Variants in HIVEP3 observed in about 807,000 individuals in gnomAD.
HIVEP3 encodes transcription factor HIVEP3.
Under a neutral mutation model 152.8 loss-of-function variants are expected in HIVEP3, and 49 were observed. The observed-to-expected ratio is 0.32, with a 90% CI of 0.26 to 0.41. The LOEUF (loss-of-function observed/expected upper bound fraction) is 0.41. Among genes scored for constraint, HIVEP3 ranks in the 10% least tolerant of loss-of-function variants. The pLI is 1.00. For missense variants in HIVEP3, 2,790 were observed against 3,103.3 expected (o/e 0.90, Z 2.40); for synonymous variants, 1,269 against 1,289.0 (o/e 0.98, Z 0.33).
rs370826624 is a variant in HIVEP3 at position 41,583,400 on chromosome 1, C to T, written c.1398G>A (p.Thr466=). 96 of 1,613,762 alleles carry T rather than the reference C, an allele frequency of 5.9e-5. No individual in the cohort carries two copies. The Admixed American group carries it at 7.5e-4, about 13-fold the overall frequency. The change falls in exon 4 of 9, where the codon ACG becomes ACA. Residue 466 remains threonine, a synonymous_variant. Coordinates refer to ENST00000372583, the MANE Select transcript of HIVEP3 (RefSeq NM_024503.5). This position sits in a 1 kb window ranked among gnomAD's most constrained non-coding sequence, Gnocchi z 6.9. ...CGGCCTCGTTGATGGTGATGAGCTT[C>T]GTGATGTGCTCGATCACCTGCGTCC... The part of the protein sequence containing the change: ...VPRTQVIEHI[T]KLITINEAVV...
In HIVEP3 at chr1:41,581,812, T is replaced by C; in HGVS notation, c.2986A>G (p.Ser996Gly). 1 of 1,588,432 alleles carries C rather than the reference T, an allele frequency of 6.3e-7. No individual in the cohort carries two copies. Among genetic ancestry groups the C allele is most frequent in the Non-Finnish European group, 8.6e-7 (1 of 1,167,066 alleles). ...TGGGCAGAATGGGAAACGTTGGGGCTCTGCTCTGAGGCTGACCTCCGCATC... is the reference window on the plus strand; with the variant it reads ...TGGGCAGAATGGGAAACGTTGGGGCCCTGCTCTGAGGCTGACCTCCGCATC... Reference protein sequence around the residue: ...REMRRSASEQSPNVSHSAHMT... With the variant: ...REMRRSASEQGPNVSHSAHMT... Residue 996 changes from serine to glycine, a missense_variant, in exon 4 of 9, where the codon AGC (serine) becomes GGC (glycine). By Grantham distance (56) the Ser-to-Gly change is moderately conservative. Coordinates refer to ENST00000372583, the MANE Select transcript of HIVEP3 (RefSeq NM_024503.5). This position sits in a 1 kb window ranked among gnomAD's most constrained non-coding sequence, Gnocchi z 4.5.
intron 5 of HIVEP3, among the ~76,000 whole-genome samples, chr1:41,567,649 C>A (rs1256803623): frequency 1.3e-5 from 2 of 152,228 alleles, no homozygotes; most frequent in African/African-American, 4.8e-5. Context: ...ACGTAGGACC[C>A]ATTTTCTCGG....
chr1:41,852,531 C>T (rs956466857), intron 1 of HIVEP3, among the ~76,000 whole-genome samples: 1 of 152,202 alleles, frequency 6.6e-6, no homozygotes, highest in African/African-American at 2.4e-5. Context: ...GTGGGTTCTA[C>T]ACTCCACTCC....
intron 5 of HIVEP3, 69 bp downstream of exon 5, chr1:41,575,475 C>T (rs980132624): frequency 1.2e-5 from 19 of 1,551,728 alleles, no homozygotes; most frequent in Admixed American, 3.4e-5. Context: ...CACTGCTGCC[C>T]GTGAACACCA....
chr1:41,902,314 G>A (rs1174853086), intron 1 of HIVEP3, among the ~76,000 whole-genome samples: 1 of 152,154 alleles, frequency 6.6e-6, no homozygotes, highest in Non-Finnish European at 1.5e-5. Flanking sequence ...TTGAAGAAAT[G>A]TCCCCAGAGT....
chr1:41,708,169 T>C (rs1423302903), intron 1 of HIVEP3, among the ~76,000 whole-genome samples: 1 of 152,178 alleles, frequency 6.6e-6, no homozygotes, highest in African/African-American at 2.4e-5. Flanking sequence ...TGTGGGGACC[T>C]GAGAGAGTGC....
intron 1 of HIVEP3, among the ~76,000 whole-genome samples, chr1:42,021,879 T>A (rs551398024): frequency 6.6e-6 from 1 of 152,010 alleles, no homozygotes; most frequent in Non-Finnish European, 1.5e-5. Flanking sequence ...CAAAACCAAT[T>A]CAAACTGGCA....
At chr1:42,019,241 T>C (rs1370916965) in intron 1 of HIVEP3, among the ~76,000 whole-genome samples, 1 of 152,038 alleles carries the variant, frequency 6.6e-6, no homozygotes, top group African/African-American at 2.4e-5. Context: ...TTCTTTTCCA[T>C]GCAGATTTTA....
chr1:42,004,425 A>G (rs1285444098), intron 1 of HIVEP3, among the ~76,000 whole-genome samples: 1 of 152,040 alleles, frequency 6.6e-6, no homozygotes, highest in Non-Finnish European at 1.5e-5. Context: ...GCTTTTTTTC[A>G]TTACTTTTGT....
chr1:41,508,831 C>G lies in HIVEP3; in HGVS notation c.*1620G>C, dbSNP rs1210983301. The stretch of plus-strand genomic sequence containing the variant: ...AGGACTGGGGATTAGCCAGAGAGGT[C>G]CCTGCTCTGTATAGGGTGGCATCAA... On this transcript the variant is annotated 3_prime_UTR_variant, in exon 9 of 9. Transcript: ENST00000372583. 1 of 152,308 alleles carries G rather than the reference C, an allele frequency of 6.6e-6. No individual in the cohort carries two copies. The highest frequency in any genetic ancestry group is 1.5e-5 in the Non-Finnish European group (1 of 68,118). 9.4% of individuals were successfully genotyped at this position (152,308 alleles called of 1,614,324 possible).
At chr1:41,625,162 C>CAAA (rs59268661) in intron 3 of HIVEP3, among the ~76,000 whole-genome samples, 14 of 71,230 alleles carry the variant, frequency 2.0e-4, no homozygotes, top group Non-Finnish European at 2.0e-4. Context: ...GATTCCAACT[C>CAAA]AAAAAAAAAA....
chr1:41,719,606 C>T (rs773370718), intron 1 of HIVEP3, among the ~76,000 whole-genome samples: 12 of 152,194 alleles, frequency 7.9e-5, no homozygotes, highest in South Asian at 2.1e-4. Flanking sequence ...CACTCAGGGA[C>T]GTCCCTGTCC....
At chr1:41,806,382 T>C (rs1650610091) in intron 1 of HIVEP3, among the ~76,000 whole-genome samples, 1 of 152,176 alleles carries the variant, frequency 6.6e-6, no homozygotes. Flanking sequence ...CCCTCTCCCT[T>C]CACCCCCTCT....
chr1:41,630,027 C>T (rs1029776941), intron 2 of HIVEP3, among the ~76,000 whole-genome samples: 1 of 152,226 alleles, frequency 6.6e-6, no homozygotes, highest in Non-Finnish European at 1.5e-5. Flanking sequence ...AATCAACCTA[C>T]ATGCCCATGA....
rs185130120 is a variant in HIVEP3 at position 41,820,419 on chromosome 1, C to T, written c.-801+97994G>A. On this transcript the variant is annotated intron_variant, in intron 1 of 8. Transcript: ENST00000372583. ...GTTCTCACAGGTCTTATTAATAGCA[C>T]CTCTTATATTAATACATGTTGTCCC... Among the ~76,000 whole-genome samples the T allele has an allele frequency of 8.9e-4, 135 of 152,168 alleles. 3 individuals are homozygous for T. In the East Asian group the frequency reaches 0.024, roughly 27 times the overall value.
intron 2 of HIVEP3, among the ~76,000 whole-genome samples, chr1:41,677,279 C>T (rs188432206): frequency 9.2e-5 from 14 of 152,302 alleles, no homozygotes; most frequent in Admixed American, 5.9e-4. Flanking sequence ...TGCTCTAACA[C>T]GCTTCACACG....
intron 1 of HIVEP3, among the ~76,000 whole-genome samples, chr1:42,013,349 A>T (rs966653934): frequency 8.5e-5 from 13 of 152,330 alleles, no homozygotes; most frequent in African/African-American, 3.1e-4. Context: ...AGATTTCAAC[A>T]TCTGATTTTT....
upstream of HIVEP3, among the ~76,000 whole-genome samples, chr1:41,920,117 A>C (rs559822374): frequency 6.6e-6 from 1 of 152,268 alleles, no homozygotes; most frequent in East Asian, 1.9e-4. Flanking sequence ...AGCGACACAC[A>C]CACACTCTCT....
At chr1:41,570,396 G>A (rs1488702041) in intron 5 of HIVEP3, among the ~76,000 whole-genome samples, 1 of 152,172 alleles carries the variant, frequency 6.6e-6, no homozygotes, top group Non-Finnish European at 1.5e-5. Flanking sequence ...TACCATTCTG[G>A]TGACAGTGCA....
Sources: gnomAD v4.1 joint callset for allele counts (sites outside exome capture counted in the v4.1 genomes callset) on GRCh38, gnomAD v4.1.1 for gene constraint, Gnocchi (gnomAD v3.1) non-coding constraint, MANE v1.5 for transcripts, NCBI Gene and HGNC (gene_info 2026-07-23, HGNC 2026-07-21) for gene names.